The following PTPN3 variants were observed in gnomAD, a reference collection of about 807,000 sequenced individuals.
PTPN3 encodes tyrosine-protein phosphatase non-receptor type 3.
PTPN3 carries 96 observed loss-of-function variants against 132.7 expected under a neutral mutation model. That is an observed-to-expected ratio of 0.72 (90% confidence interval 0.61 to 0.86). PTPN3 has a LOEUF of 0.86. PTPN3 is among the 40% of genes least tolerant of loss of function. The pLI, the probability that PTPN3 is intolerant of heterozygous loss-of-function variation, is 0.00. For synonymous variants in PTPN3, 398 were observed against 429.0 expected (o/e 0.93, Z 0.89); for missense variants, 1,125 against 1,159.6 (o/e 0.97, Z 0.43).
chr9:109,376,575 C>T lies in PTPN3; in HGVS notation c.*2981G>A, dbSNP rs975482017. 6.6e-6 allele frequency: 1 copy of T among 152,172 alleles called. No homozygotes were observed. The allele number at this position is 152,172 out of a possible 1,614,324, so 9.4% of individuals were successfully genotyped here. ...GGTGACACCAGCAGGGATCTCTCAT[C>T]TTGATTAAATTGGCACATCAACATG... On this transcript the variant is annotated 3_prime_UTR_variant, in exon 26 of 26. Transcript: ENST00000374541.
the PTPN3 span, among the ~76,000 whole-genome samples, chr9:109,507,946 C>T: frequency 3.5e-4 from 54 of 152,302 alleles, no homozygotes; most frequent in African/African-American, 1.3e-3. Context: ...CAGCCTTGGT[C>T]ATCCCAGCCC....
the PTPN3 span, among the ~76,000 whole-genome samples, chr9:109,525,706 CAGGAAGGGTCTAGCA>C: frequency 6.6e-6 from 1 of 152,190 alleles, no homozygotes; most frequent in South Asian, 2.1e-4. Context: ...CCTCTGTGTT[CAGGAAGGGTCTAGCA>C]AGATGACTTT....
At chr9:109,436,021 A>G (rs1055183054) in intron 9 of PTPN3, among the ~76,000 whole-genome samples, 10 of 152,224 alleles carry the variant, frequency 6.6e-5, no homozygotes, top group African/African-American at 2.4e-4. Flanking sequence ...CGGTTTTCTC[A>G]TCTATAAAAC....
intron 19 of PTPN3, among the ~76,000 whole-genome samples, chr9:109,391,930 G>A (rs1840155964): frequency 1.4e-5 from 2 of 144,192 alleles, no homozygotes; most frequent in South Asian, 2.2e-4. Context: ...AATTAGTCTA[G>A]AATCATTTCC....
intron 1 of PTPN3, among the ~76,000 whole-genome samples, chr9:109,477,848 C>A (rs1198638317): frequency 2.0e-5 from 3 of 152,244 alleles, no homozygotes; most frequent in Non-Finnish European, 4.4e-5. Context: ...GCCAGGACTC[C>A]TTCCGGCCCA....
At chr9:109,395,562 G>A (rs1015603274) in intron 19 of PTPN3, among the ~76,000 whole-genome samples, 8 of 152,148 alleles carry the variant, frequency 5.3e-5, no homozygotes, top group Middle Eastern at 3.2e-3. Context: ...TGAGGTGGGC[G>A]GATAGCTTAA....
At chr9:109,453,825 C>CA (rs1845409768) in intron 5 of PTPN3, among the ~76,000 whole-genome samples, 1 of 142,646 alleles carries the variant, frequency 7.0e-6, no homozygotes, top group Admixed American at 7.2e-5. Context: ...GCCTGGACGA[C>CA]ATGGAAACCC....
intron 2 of PTPN3, among the ~76,000 whole-genome samples, chr9:109,460,787 T>C (rs1210084975): frequency 6.6e-6 from 1 of 152,232 alleles, no homozygotes; most frequent in African/African-American, 2.4e-5. Context: ...ACATATTTTT[T>C]TATGGCCCAT....
chr9:109,533,237 C>T, the PTPN3 span, among the ~76,000 whole-genome samples: 76,210 of 146,242 alleles, frequency 0.52, 20,851 homozygotes, highest in East Asian at 0.85. Flanking sequence ...CTCCGCTTCC[C>T]GGGTTCACGC....
chr9:109,477,670 G>A (rs963418712), intron 1 of PTPN3, among the ~76,000 whole-genome samples: 2 of 152,220 alleles, frequency 1.3e-5, no homozygotes, highest in African/African-American at 2.4e-5. Flanking sequence ...TAGCAGCAGC[G>A]GGAGGGCAGA....
At position 109,475,064 on chromosome 9, in the gene PTPN3, G is replaced by A. The variant is rs561722494; in HGVS notation, c.-17-11613C>T. 9.2e-5 allele frequency among the ~76,000 whole-genome samples: 14 copies of A among 152,270 alleles called. 1 individual carries two copies. The South Asian group carries it at 2.5e-3, about 27-fold the overall frequency. On this transcript the variant is annotated intron_variant, in intron 1 of 25. Coordinates refer to ENST00000374541, the MANE Select transcript of PTPN3 (RefSeq NM_002829.4). ...AGAAACACATTTCTCTTCAACAGAC[G>A]AAGGAGCTTTTAAACAGTTAAACCT...
At chr9:109,515,569 A>G in the PTPN3 span, among the ~76,000 whole-genome samples, 1 of 152,130 alleles carries the variant, frequency 6.6e-6, no homozygotes, top group African/African-American at 2.4e-5. Flanking sequence ...AATACCTGAG[A>G]CTGGGTAATT....
the PTPN3 span, among the ~76,000 whole-genome samples, chr9:109,509,616 G>A: frequency 2.0e-5 from 3 of 152,288 alleles, no homozygotes; most frequent in Non-Finnish European, 2.9e-5. Flanking sequence ...TGATATGCCC[G>A]TCAGGCCAAG....
At chr9:109,435,109 C>T (rs1420666293) in intron 9 of PTPN3, among the ~76,000 whole-genome samples, 4 of 152,116 alleles carry the variant, frequency 2.6e-5, no homozygotes. Context: ...AGCAAATTAG[C>T]AAAGGAAATC....
intron 19 of PTPN3, among the ~76,000 whole-genome samples, chr9:109,392,154 G>T (rs1239643902): frequency 6.6e-6 from 1 of 152,056 alleles, no homozygotes; most frequent in African/African-American, 2.4e-5. Flanking sequence ...ATATTTGTAT[G>T]GTATCTGATG....
At chr9:109,440,767 C>A (rs1205585887) in intron 7 of PTPN3, among the ~76,000 whole-genome samples, 4 of 152,182 alleles carry the variant, frequency 2.6e-5, no homozygotes, top group African/African-American at 9.7e-5. Flanking sequence ...CAAACATGAA[C>A]AGCAAGGTTC....
the PTPN3 span, among the ~76,000 whole-genome samples, chr9:109,534,632 C>CAAAAAAAA: frequency 1.7e-4 from 19 of 108,738 alleles, 1 homozygote; most frequent in African/African-American, 2.6e-4. Context: ...CAAAAAAATA[C>CAAAAAAAA]AAAAAAAAAA....
intron 14 of PTPN3, among the ~76,000 whole-genome samples, chr9:109,411,236 C>T (rs1564408418): frequency 6.6e-6 from 1 of 152,204 alleles, no homozygotes; most frequent in Non-Finnish European, 1.5e-5. Flanking sequence ...GTCATTTGTT[C>T]TAACTCCCAG....
chr9:109,497,907 C>G (rs1266676357), intron 1 of PTPN3, among the ~76,000 whole-genome samples: 5 of 149,722 alleles, frequency 3.3e-5, no homozygotes, highest in Non-Finnish European at 6.0e-5. Flanking sequence ...GGGTTGCGCC[C>G]GCCCCTGCCC....
Sources: allele counts gnomAD v4.1 joint callset (sites outside exome capture counted in the v4.1 genomes callset), GRCh38; gene constraint gnomAD v4.1.1; transcripts MANE v1.5; gene names NCBI Gene and HGNC (gene_info 2026-07-23, HGNC 2026-07-21).